The following SAP130 variants were observed in gnomAD, a reference collection of about 807,000 sequenced individuals.
SAP130 encodes the protein histone deacetylase complex subunit SAP130.
A neutral mutation model predicts 103.2 loss-of-function variants in SAP130; 16 were observed. That is an observed-to-expected ratio of 0.16 (90% CI 0.10 to 0.24). The LOEUF is 0.24. Among genes scored for constraint, SAP130 ranks in the 10% least tolerant of loss-of-function variants. The probability of loss-of-function intolerance (pLI) is 1.00; values close to 1 mark genes in which losing one functional copy is unlikely to be tolerated. For synonymous variants in SAP130, 477 were observed against 497.0 expected, an observed-to-expected ratio of 0.96 and a Z score of 0.53; for missense variants, 990 against 1,359.7, an observed-to-expected ratio of 0.73 and a Z score of 4.28.
At chr2:127,943,750 G>C (rs1678870702) in intron 19 of SAP130, among the ~76,000 whole-genome samples, 1 of 152,236 alleles carries the variant, frequency 6.6e-6, no homozygotes, top group African/African-American at 2.4e-5. Flanking sequence ...TGGGTGAGCA[G>C]GGAGTGAATG....
chr2:127,949,753 CA>C (rs1251172921), intron 18 of SAP130, 115 bp downstream of exon 18: 20 of 1,126,536 alleles, frequency 1.8e-5, no homozygotes, highest in Non-Finnish European at 3.8e-6. Flanking sequence ...GATTTTGTAA[CA>C]AAAACTTATG....
intron 15 of SAP130, among the ~76,000 whole-genome samples, 162 bp downstream of exon 15, chr2:127,977,823 C>T (rs191687503): frequency 5.3e-5 from 8 of 151,590 alleles, no homozygotes; most frequent in East Asian, 2.0e-4. Flanking sequence ...TCAAGGCTGT[C>T]GTGTGTTACA....
rs148712658 is a variant in SAP130 at position 128,011,472 on chromosome 2, A to G, written c.745-1079T>C. On this transcript the variant is annotated intron_variant, in intron 6 of 20. Coordinates refer to ENST00000643581, the MANE Select transcript of SAP130 (RefSeq NM_001330301.2). ...CATTCCTCATCCTTGCTTTTCATCTACAGCCCTTTTACCTGCCGCTTCTAC... is the reference window on the plus strand; with the variant it reads ...CATTCCTCATCCTTGCTTTTCATCTGCAGCCCTTTTACCTGCCGCTTCTAC... Among the ~76,000 whole-genome samples the G allele has an allele frequency of 4.8e-3, 737 of 152,204 alleles. 7 individuals are homozygous for G. The highest frequency in any genetic ancestry group is 0.016 in the African/African-American group (653 of 41,514).
chr2:127,956,595 C>T (rs1188602607), intron 15 of SAP130, among the ~76,000 whole-genome samples: 1 of 150,276 alleles, frequency 6.7e-6, no homozygotes. Flanking sequence ...GGAGATCTAC[C>T]TAATGTAAAT....
chr2:127,968,414 GTTTTT>G (rs772856433), intron 15 of SAP130, among the ~76,000 whole-genome samples: 8 of 133,968 alleles, frequency 6.0e-5, no homozygotes, highest in East Asian at 2.1e-4. Flanking sequence ...CCCGGAGTTG[GTTTTT>G]TTTTTTTTTT....
intron 11 of SAP130, among the ~76,000 whole-genome samples, chr2:127,995,978 A>G (rs1683151243): frequency 6.6e-6 from 1 of 152,198 alleles, no homozygotes; most frequent in Admixed American, 6.5e-5. Flanking sequence ...AAGAGAAGGG[A>G]GAGCTCGGAA....
At chr2:127,980,963 G>C (rs1681825957) in intron 14 of SAP130, among the ~76,000 whole-genome samples, 1 of 151,980 alleles carries the variant, frequency 6.6e-6, no homozygotes. Flanking sequence ...AGTGATGAAA[G>C]TCAGACTCAC....
At chr2:128,022,996 ATTTTT>A (rs113445838) in intron 2 of SAP130, among the ~76,000 whole-genome samples, 7 of 141,802 alleles carry the variant, frequency 4.9e-5, no homozygotes, top group Non-Finnish European at 9.3e-5. Flanking sequence ...CACCTGGCTA[ATTTTT>A]TTTTTTTTTT....
intron 14 of SAP130, among the ~76,000 whole-genome samples, chr2:127,985,994 G>A (rs922637341): frequency 6.6e-6 from 1 of 152,168 alleles, no homozygotes; most frequent in African/African-American, 2.4e-5. Flanking sequence ...GCAGTCAAGA[G>A]AGCTGGGGCC....
intron 19 of SAP130, among the ~76,000 whole-genome samples, chr2:127,943,336 T>C (rs549712849): frequency 6.6e-6 from 1 of 152,296 alleles, no homozygotes; most frequent in East Asian, 1.9e-4. Flanking sequence ...TGGCCAAACA[T>C]ATAAGATCCA....
intron 15 of SAP130, among the ~76,000 whole-genome samples, chr2:127,973,200 T>A (rs1681209658): frequency 6.6e-6 from 1 of 152,210 alleles, no homozygotes; most frequent in Non-Finnish European, 1.5e-5. Context: ...CAGCACGGAC[T>A]TCTACTTCAA....
At chr2:127,971,053 C>A (rs1681050308) in intron 15 of SAP130, among the ~76,000 whole-genome samples, 1 of 151,876 alleles carries the variant, frequency 6.6e-6, no homozygotes, top group Non-Finnish European at 1.5e-5. Context: ...CAGGCTCAAG[C>A]AATCCTCCCA....
chr2:127,993,467 A>T (rs1020081005), intron 11 of SAP130, among the ~76,000 whole-genome samples, 159 bp from the exon 12 acceptor site: 7 of 152,048 alleles, frequency 4.6e-5, no homozygotes, highest in Non-Finnish European at 7.4e-5. Flanking sequence ...GACACACACC[A>T]AGAATGCAAA....
At chr2:127,972,331 C>T (rs181736884) in intron 15 of SAP130, among the ~76,000 whole-genome samples, 2 of 152,334 alleles carry the variant, frequency 1.3e-5, no homozygotes, top group East Asian at 3.9e-4. Flanking sequence ...CAGAAACAGA[C>T]CAGGTGCAGT....
rs1342088900 is a variant in SAP130 at position 127,989,899 on chromosome 2, G to A, written c.1478-33C>T. On this transcript the variant is annotated intron_variant, in intron 12 of 20. Coordinates refer to ENST00000643581, the MANE Select transcript of SAP130 (RefSeq NM_001330301.2). This position sits in a 1 kb window ranked among gnomAD's most constrained non-coding sequence, Gnocchi z 4.6. ...TGATGCGAAAGGTAACTATAAGAAG[G>A]TTAGCTTCATTTCACACAGTCCACA... 1.3e-6 allele frequency: 2 copies of A among 1,590,126 alleles called. No individual in the cohort carries two copies. The highest frequency in any genetic ancestry group is 2.7e-5 in the African/African-American group (2 of 74,576).
At chr2:128,008,440 C>T (rs981875206) in intron 7 of SAP130, among the ~76,000 whole-genome samples, 3 of 151,452 alleles carry the variant, frequency 2.0e-5, no homozygotes, top group Non-Finnish European at 1.5e-5. Context: ...ATCATAGCTC[C>T]TAGTAATCTC....
chr2:127,956,975 T>A (rs969710174), intron 15 of SAP130, among the ~76,000 whole-genome samples: 3 of 152,140 alleles, frequency 2.0e-5, no homozygotes, highest in Non-Finnish European at 2.9e-5. Flanking sequence ...AGATGAGAAA[T>A]TGTATACTTG....
chr2:127,983,422 G>A (rs1375087382), intron 14 of SAP130, among the ~76,000 whole-genome samples: 1 of 152,170 alleles, frequency 6.6e-6, no homozygotes, highest in Admixed American at 6.5e-5. Flanking sequence ...TGCTTTTGAG[G>A]AGAAATGGTC....
intron 16 of SAP130, among the ~76,000 whole-genome samples, chr2:127,952,734 C>T (rs1240616528): frequency 6.6e-6 from 1 of 152,108 alleles, no homozygotes; most frequent in Non-Finnish European, 1.5e-5. Flanking sequence ...TCATTGTCTC[C>T]TCTCTGAAAT....
Sources: gnomAD v4.1 joint callset for allele counts (sites outside exome capture counted in the v4.1 genomes callset) on GRCh38, gnomAD v4.1.1 for gene constraint, Gnocchi (gnomAD v3.1) non-coding constraint, MANE v1.5 for transcripts, NCBI Gene and HGNC (gene_info 2026-07-23, HGNC 2026-07-21) for gene names.